Variants in RAB7A observed in about 807,000 individuals in gnomAD.
RAB7A encodes the protein RAB7A, member RAS oncogene family, also known as ras-related protein Rab-7a.
A neutral mutation model predicts 24.5 loss-of-function variants in RAB7A; 2 were observed. The observed-to-expected ratio is 0.08, with a 90% confidence interval of 0.03 to 0.26. The LOEUF (loss-of-function observed/expected upper bound fraction) is 0.26. Among genes scored for constraint, RAB7A ranks in the 10% least tolerant of loss-of-function variants. The pLI, the probability that RAB7A is intolerant of heterozygous loss-of-function variation, is 1.00. For missense variants in RAB7A, 118 were observed against 255.7 expected (o/e 0.46, Z 3.67); for synonymous variants, 100 against 95.9 (o/e 1.04, Z -0.25).
chr3:128,806,289 A>C (rs780826663), intron 3 of RAB7A, 83 bp from the exon 4 acceptor site: 1 of 1,317,886 alleles, frequency 7.6e-7, no homozygotes, highest in Non-Finnish European at 1.1e-6. Flanking sequence ...AATCTAGCCT[A>C]TTTCTTCTGG....
intron 5 of RAB7A, among the ~76,000 whole-genome samples, chr3:128,811,256 A>G (rs1239933669): frequency 6.6e-6 from 1 of 152,124 alleles, no homozygotes; most frequent in Non-Finnish European, 1.5e-5. Context: ...CCTCCTAAGT[A>G]GGTAGGACTA....
chr3:128,795,568 A>T (rs1933548899), intron 2 of RAB7A, 148 bp downstream of exon 2: 2 of 751,852 alleles, frequency 2.7e-6, no homozygotes, highest in Non-Finnish European at 4.8e-6. Context: ...AATTTAGATG[A>T]TCCCTTGTTA....
chr3:128,799,930 G>A (rs1056276131), intron 3 of RAB7A, among the ~76,000 whole-genome samples: 8 of 152,176 alleles, frequency 5.3e-5, no homozygotes, highest in Non-Finnish European at 1.0e-4. Context: ...TACCACAAGA[G>A]ATGTTCACAA....
At chr3:128,749,703 C>A (rs1407961518) in intron 1 of RAB7A, among the ~76,000 whole-genome samples, 1 of 152,152 alleles carries the variant, frequency 6.6e-6, no homozygotes, top group Non-Finnish European at 1.5e-5. Flanking sequence ...GAGAGTTTCC[C>A]TGCACAAGCG....
chr3:128,781,071 T>G (rs559457708), intron 1 of RAB7A, among the ~76,000 whole-genome samples: 1 of 152,304 alleles, frequency 6.6e-6, no homozygotes, highest in African/African-American at 2.4e-5. Flanking sequence ...ACACTGCAGT[T>G]TTAGGTAGTA....
chr3:128,732,766 G>T (rs1456093357), intron 1 of RAB7A, among the ~76,000 whole-genome samples: 1 of 152,104 alleles, frequency 6.6e-6, no homozygotes, highest in African/African-American at 2.4e-5. Context: ...GTTTAAGGCT[G>T]CAGTGGTTTG....
Position 128,805,388 on chromosome 3 carries a change from T to C in RAB7A, c.181-984T>C, listed in dbSNP as rs556496792. ...CTTCATCCTTATATCTGAGTTGTTATCATGTTCGTCCGGCTCTGTTTGAGT... is the reference window on the plus strand; with the variant it reads ...CTTCATCCTTATATCTGAGTTGTTACCATGTTCGTCCGGCTCTGTTTGAGT... On this transcript the variant is annotated intron_variant, in intron 3 of 5. Coordinates refer to ENST00000265062, the MANE Select transcript of RAB7A (RefSeq NM_004637.6). 5.9e-4 allele frequency among the ~76,000 whole-genome samples: 90 copies of C among 152,284 alleles called. 1 individual carries two copies. Among genetic ancestry groups the C allele is most frequent in the Non-Finnish European group, 1.1e-3 (74 of 68,024 alleles).
intron 1 of RAB7A, among the ~76,000 whole-genome samples, chr3:128,786,084 T>C (rs1404115284): frequency 6.6e-6 from 1 of 152,238 alleles, no homozygotes; most frequent in Non-Finnish European, 1.5e-5. Context: ...TGAATATTTT[T>C]AGAAACCAAG....
chr3:128,794,684 A>G (rs768667800), intron 1 of RAB7A, among the ~76,000 whole-genome samples: 4 of 152,160 alleles, frequency 2.6e-5, no homozygotes, highest in Non-Finnish European at 5.9e-5. Flanking sequence ...AGCAGAGATC[A>G]GGCATTTTTC....
At chr3:128,764,816 C>G in intron 1 of RAB7A, 1 of 934,308 alleles carries the variant, frequency 1.1e-6, no homozygotes, top group Non-Finnish European at 1.7e-6. Context: ...ATCAGTTTCT[C>G]GGCATGTTCC....
At chr3:128,812,665 A>G (rs889668260) in intron 5 of RAB7A, among the ~76,000 whole-genome samples, 1 of 152,240 alleles carries the variant, frequency 6.6e-6, no homozygotes, top group Non-Finnish European at 1.5e-5. Context: ...TAAAATGACC[A>G]TAGTCCATGT....
chr3:128,813,206 C>A, intron 5 of RAB7A, 121 bp from the exon 6 acceptor site: 1 of 933,632 alleles, frequency 1.1e-6, no homozygotes, highest in Non-Finnish European at 1.8e-6. Context: ...CTCTGCTTCA[C>A]AGCTCCCCGC....
At chr3:128,791,302 G>T (rs1933447911) in intron 1 of RAB7A, among the ~76,000 whole-genome samples, 1 of 152,066 alleles carries the variant, frequency 6.6e-6, no homozygotes, top group Non-Finnish European at 1.5e-5. Flanking sequence ...ACCACGACCA[G>T]CTAATTTTTT....
intron 1 of RAB7A, among the ~76,000 whole-genome samples, chr3:128,743,036 A>G (rs190851078): frequency 5.0e-4 from 76 of 152,294 alleles, no homozygotes; most frequent in Non-Finnish European, 8.2e-4. Flanking sequence ...GGGCTCGGGC[A>G]TGGCGGGCTG....
At position 128,806,220 on chromosome 3, in the gene RAB7A, C is replaced by G. The variant is rs902931272; in HGVS notation, c.181-152C>G. 3 of 629,558 alleles carry G rather than the reference C, an allele frequency of 4.8e-6. No individual in the cohort carries two copies. The Admixed American group carries it at 8.8e-5, about 18-fold the overall frequency. 39.0% of individuals were successfully genotyped at this position (629,558 alleles called of 1,614,324 possible). ...ATTTGTGAGGATTGTTTCAGATACT[C>G]TGGTGCTGAAATTTGCTTCCTGAAG... On this transcript the variant is annotated intron_variant, in intron 3 of 5. Transcript: ENST00000265062.
intron 1 of RAB7A, among the ~76,000 whole-genome samples, chr3:128,790,982 C>T (rs1933441739): frequency 6.6e-6 from 1 of 152,116 alleles, no homozygotes; most frequent in Admixed American, 6.6e-5. Context: ...CATTAAGGCT[C>T]CCATAGACTG....
intron 1 of RAB7A, among the ~76,000 whole-genome samples, chr3:128,773,259 G>A (rs1264819491): frequency 6.6e-6 from 1 of 151,574 alleles, no homozygotes; most frequent in Non-Finnish European, 1.5e-5. Flanking sequence ...CATCTGAGAA[G>A]TGAGGAGCCC....
rs141153118 is a variant in RAB7A, at chr3:128,787,576, G to A, written c.-8-7784G>A. On this transcript the variant is annotated intron_variant, in intron 1 of 5. Coordinates refer to ENST00000265062, the MANE Select transcript of RAB7A (RefSeq NM_004637.6). The stretch of plus-strand genomic sequence containing the variant: ...TGACTGTGGATGTGATGAACACCTG[G>A]TTCAATTTCATCTCCTGCATTTTAC... Among the ~76,000 whole-genome samples, 305 of 152,284 alleles carry A rather than the reference G, an allele frequency of 2.0e-3. 1 individual carries two copies. The highest frequency in any genetic ancestry group is 7.0e-3 in the African/African-American group (291 of 41,564).
At chr3:128,772,537 T>C (rs1000562836) in intron 1 of RAB7A, among the ~76,000 whole-genome samples, 1 of 152,210 alleles carries the variant, frequency 6.6e-6, no homozygotes, top group African/African-American at 2.4e-5. Context: ...AATCTGTTAG[T>C]GTACTTGGGT....
Sources: allele counts gnomAD v4.1 joint callset (sites outside exome capture counted in the v4.1 genomes callset), GRCh38; gene constraint gnomAD v4.1.1; transcripts MANE v1.5; gene names NCBI Gene and HGNC (gene_info 2026-07-23, HGNC 2026-07-21).